The following LRRC7 variants were observed in gnomAD, a reference collection of about 807,000 sequenced individuals.
LRRC7 encodes the protein leucine-rich repeat-containing protein 7.
In LRRC7, 23 loss-of-function variants were observed where a neutral mutation model predicts 175.7. The ratio of observed to expected loss-of-function variants is 0.13; its 90% CI spans 0.09 to 0.19. The LOEUF is 0.19. LRRC7 is among the 10% of genes least tolerant of loss of function. The probability of loss-of-function intolerance (pLI) is 1.00; values close to 1 mark genes in which losing one functional copy is unlikely to be tolerated. For missense variants in LRRC7, 1,354 were observed against 1,904.7 expected (o/e 0.71, Z 5.38); for synonymous variants, 685 against 680.9 (o/e 1.01, Z -0.09).
At chr1:70,030,082 G>A (rs1443457872) in intron 18 of LRRC7, among the ~76,000 whole-genome samples, 3 of 117,638 alleles carry the variant, frequency 2.6e-5, no homozygotes, top group Non-Finnish European at 5.6e-5. Flanking sequence ...TCACCTAAGT[G>A]TATCATTTCT....
In LRRC7 at chr1:69,918,374, C is replaced by T. The variant is rs572175896; in HGVS notation, c.648-13133C>T. On this transcript the variant is annotated intron_variant, in intron 7 of 26. Transcript: ENST00000651989. ...GAATGATTGCTCACAAAGAACAATA[C>T]TAACATAAAAATACCATGAGTTCTA... 3.9e-5 allele frequency among the ~76,000 whole-genome samples: 6 copies of T among 152,302 alleles called. No individual in the cohort carries two copies. The South Asian group carries it at 1.2e-3, about 32-fold the overall frequency.
intron 1 of LRRC7, among the ~76,000 whole-genome samples, chr1:69,633,746 G>A (rs1439946673): frequency 6.6e-6 from 1 of 152,062 alleles, no homozygotes; most frequent in Admixed American, 6.6e-5. Context: ...CTTTTAAAAG[G>A]TTATATTTTA....
intron 5 of LRRC7, among the ~76,000 whole-genome samples, chr1:69,834,042 A>G (rs978100459): frequency 6.6e-6 from 1 of 152,150 alleles, no homozygotes; most frequent in Non-Finnish European, 1.5e-5. Flanking sequence ...ATTCCTCTGA[A>G]TATGTCTCCT....
rs551111611 is a variant in LRRC7 at position 70,141,112 on chromosome 1, C to T, written c.*19225C>T. Among the ~76,000 whole-genome samples the T allele has an allele frequency of 1.3e-5, 2 of 152,104 alleles. No individual in the cohort carries two copies. The highest frequency in any genetic ancestry group is 4.2e-4 in the South Asian group (2 of 4,816). Reference sequence around the variant, plus strand: ...CAAGGAGTCATCCCAGAGTTCTAAGCTCATAAAGAGGAAGAGATAACAAAA... The same window carrying T: ...CAAGGAGTCATCCCAGAGTTCTAAGTTCATAAAGAGGAAGAGATAACAAAA... On this transcript the variant is annotated 3_prime_UTR_variant, in exon 27 of 27. Transcript: ENST00000651989.
rs554888485 is a variant in LRRC7, at chr1:69,753,284, G to A, written c.101-6907G>A. ...AGTATCCTTTACATAAATCATTGTC[G>A]TGTGTGTGTGTATGTGTGTGTGTGT... On this transcript the variant is annotated intron_variant, in intron 2 of 26. Transcript: ENST00000651989. 1.1e-3 allele frequency among the ~76,000 whole-genome samples: 97 copies of A among 88,790 alleles called. 1 individual carries two copies. Among genetic ancestry groups the A allele is most frequent in the African/African-American group, 3.5e-3 (89 of 25,504 alleles). The allele number at this position is 88,790 out of a possible 152,430, so 58.2% of individuals were successfully genotyped here.
chr1:69,746,624 T>A lies in LRRC7; in HGVS notation c.101-13567T>A, dbSNP rs559157196. The stretch of plus-strand genomic sequence containing the variant: ...ACAGAATTTTACCGAGAACGTATTG[T>A]ATGTCTGCCATGCAATGTCTGCCAT... On this transcript the variant is annotated intron_variant, in intron 2 of 26. Transcript: ENST00000651989. Among the ~76,000 whole-genome samples, 5 of 152,106 alleles carry A rather than the reference T, an allele frequency of 3.3e-5. No individual in the cohort carries two copies. In the South Asian group the frequency reaches 6.2e-4, roughly 19 times the overall value.
rs561987611 is a variant in LRRC7 at position 69,671,127 on chromosome 1, G to A, written c.3-7254G>A. On this transcript the variant is annotated intron_variant, in intron 1 of 26. Coordinates refer to ENST00000651989, the MANE Select transcript of LRRC7 (RefSeq NM_001370785.2). ...CAACTGGGAATGTGCTGAGTCTCAC[G>A]TGAAGCCAGCAAGTCTGAGTCTCAC... 1.8e-3 allele frequency among the ~76,000 whole-genome samples: 281 copies of A among 152,194 alleles called. 1 individual carries two copies. The highest frequency in any genetic ancestry group is 6.4e-3 in the African/African-American group (267 of 41,528).
Position 70,036,449 on chromosome 1 carries a change from A to G in LRRC7, c.2113A>G (p.Thr705Ala), listed in dbSNP as rs1367642704. Residue 705 changes from threonine to alanine, a missense_variant, in exon 20 of 27, where the codon ACT becomes GCT. By Grantham distance (58) the Thr-to-Ala change is moderately conservative. Transcript: ENST00000651989. Reference sequence around the variant, plus strand: ...TTTTCCCCTTTAAATTTCAGAATCAACTGATGAGTCTGAAGTTGACAAAAC... The same window carrying G: ...TTTTCCCCTTTAAATTTCAGAATCAGCTGATGAGTCTGAAGTTGACAAAAC... ...VLLGKDKKESTDESEVDKTHC... is the reference protein window; with the variant it reads ...VLLGKDKKESADESEVDKTHC... 7 of 1,608,214 alleles carry G rather than the reference A, an allele frequency of 4.4e-6. No individual in the cohort carries two copies. The Admixed American group carries it at 6.8e-5, about 16-fold the overall frequency.
chr1:70,036,093 C>T (rs775361904), intron 18 of LRRC7, 28 bp from the exon 19 acceptor site: 1 of 1,536,468 alleles, frequency 6.5e-7, no homozygotes, highest in Non-Finnish European at 8.9e-7. Flanking sequence ...TGTTTACTTT[C>T]CTTGTCCTGT....
At chr1:69,842,655 A>T (rs969897983) in intron 7 of LRRC7, among the ~76,000 whole-genome samples, 1 of 152,140 alleles carries the variant, frequency 6.6e-6, no homozygotes, top group Non-Finnish European at 1.5e-5. Context: ...GATTTGGTAG[A>T]TGAAGAATGC....
rs138119386 is a variant in LRRC7, at chr1:70,004,728, C to T, written c.1005-7069C>T. 7.9e-5 allele frequency among the ~76,000 whole-genome samples: 12 copies of T among 151,684 alleles called. No homozygotes were observed. The East Asian group carries it at 2.1e-3, about 27-fold the overall frequency. ...AAATCTCTCTCTCTCTCTCTCCCCC[C>T]GGCTCTCTCTCCCTCTCTTTCTCTG... On this transcript the variant is annotated intron_variant, in intron 11 of 26. Transcript: ENST00000651989.
intron 1 of LRRC7, among the ~76,000 whole-genome samples, chr1:69,671,958 C>T (rs922929788): frequency 1.3e-5 from 2 of 152,160 alleles, no homozygotes; most frequent in African/African-American, 2.4e-5. Flanking sequence ...AAGTTAAAAC[C>T]AAGCACTGTG....
chr1:69,672,017 T>C (rs1659155833), intron 1 of LRRC7, among the ~76,000 whole-genome samples: 1 of 152,180 alleles, frequency 6.6e-6, no homozygotes, highest in Non-Finnish European at 1.5e-5. Flanking sequence ...AAAAAAATTT[T>C]TTTTATTATA....
intron 7 of LRRC7, among the ~76,000 whole-genome samples, chr1:69,871,700 A>G (rs939937552): frequency 6.6e-6 from 1 of 152,002 alleles, no homozygotes. Context: ...CCTCTTTTAA[A>G]TGACTATTTC....
intron 10 of LRRC7, among the ~76,000 whole-genome samples, chr1:69,993,729 A>G (rs1654663154): frequency 6.6e-6 from 1 of 152,216 alleles, no homozygotes; most frequent in Non-Finnish European, 1.5e-5. Flanking sequence ...GCAGCAATCT[A>G]TAGTGTACAT....
At position 70,140,761 on chromosome 1, in the gene LRRC7, T is replaced by C. The variant is rs1667032356; in HGVS notation, c.*18874T>C. On this transcript the variant is annotated 3_prime_UTR_variant, in exon 27 of 27. Transcript: ENST00000651989. ...TCAAGGGCCCTGCCCAGTATCTCTT[T>C]ACTGATACAAGTATTCAAAGGCCCT... is the stretch of plus-strand genomic sequence containing the variant. The C allele has an allele frequency of 6.6e-6, 1 of 152,184 alleles. No individual in the cohort carries two copies. The highest frequency in any genetic ancestry group is 2.4e-5 in the African/African-American group (1 of 41,464). 9.4% of individuals were successfully genotyped at this position (152,184 alleles called of 1,614,324 possible).
chr1:69,834,329 T>C (rs781776429), intron 5 of LRRC7, among the ~76,000 whole-genome samples: 1 of 152,168 alleles, frequency 6.6e-6, no homozygotes, highest in African/African-American at 2.4e-5. Flanking sequence ...TAGTCATCGC[T>C]GTAACAAATT....
chr1:70,107,703 C>T, intron 25 of LRRC7, 49 bp from the exon 26 acceptor site: 1 of 1,393,984 alleles, frequency 7.2e-7, no homozygotes, highest in Non-Finnish European at 1.0e-6. Flanking sequence ...TTTAAGTAGG[C>T]CTGGTTCTTG....
chr1:69,663,463 C>G (rs902778507), intron 1 of LRRC7, among the ~76,000 whole-genome samples: 1 of 152,030 alleles, frequency 6.6e-6, no homozygotes, highest in African/African-American at 2.4e-5. Context: ...AGCATTTATC[C>G]TTTGTGTTAT....
Sources: gnomAD v4.1 joint callset for allele counts (sites outside exome capture counted in the v4.1 genomes callset) on GRCh38, gnomAD v4.1.1 for gene constraint, MANE v1.5 for transcripts, NCBI Gene and HGNC (gene_info 2026-07-23, HGNC 2026-07-21) for gene names.